The following MAU2 variants were observed in gnomAD, a reference collection of about 807,000 sequenced individuals.
MAU2 encodes the protein MAU2 chromatid cohesion factor homolog.
Under a neutral mutation model 89.1 loss-of-function variants are expected in MAU2, and 9 were observed. The ratio of observed to expected loss-of-function variants is 0.10; its 90% confidence interval spans 0.06 to 0.18. The LOEUF (loss-of-function observed/expected upper bound fraction) is 0.18, where lower values mean the gene tolerates loss of function less well. Among genes scored for constraint, MAU2 ranks in the 10% least tolerant of loss-of-function variants. The pLI is 1.00. For missense variants in MAU2, 425 were observed against 803.5 expected (o/e 0.53, Z 5.69); for synonymous variants, 357 against 343.4 (o/e 1.04, Z -0.44).
chr19:19,335,414 T>C (rs2061588291), intron 1 of MAU2, among the ~76,000 whole-genome samples: 1 of 152,212 alleles, frequency 6.6e-6, no homozygotes, highest in Non-Finnish European at 1.5e-5. Context: ...GCTCTGTTCC[T>C]TTCTGAAGCA....
intron 1 of MAU2, among the ~76,000 whole-genome samples, chr19:19,335,391 A>G (rs536519392): frequency 4.0e-4 from 61 of 152,240 alleles, no homozygotes; most frequent in South Asian, 1.9e-3. Context: ...TGCTGTGGCC[A>G]GGTCACCTCT....
intron 1 of MAU2, among the ~76,000 whole-genome samples, chr19:19,329,626 A>C (rs1284378079): frequency 6.6e-6 from 1 of 152,116 alleles, no homozygotes; most frequent in East Asian, 1.9e-4. Context: ...GGAAGCTGCT[A>C]AATGCTGTGC....
chr19:19,332,651 G>A (rs2061565216), intron 1 of MAU2, among the ~76,000 whole-genome samples: 1 of 152,026 alleles, frequency 6.6e-6, no homozygotes, highest in Admixed American at 6.6e-5. Context: ...TTACTTCCCA[G>A]CTCACCAGTG....
chr19:19,321,080 T>C lies in MAU2; in HGVS notation c.221T>C (p.Val74Ala). 1.2e-6 allele frequency: 2 copies of C among 1,611,536 alleles called. No individual in the cohort carries two copies. Among genetic ancestry groups the C allele is most frequent in the Non-Finnish European group, 1.7e-6 (2 of 1,179,150 alleles). Residue 74 changes from valine (V) to alanine (A), a missense_variant, in exon 1 of 19, where the codon GTT (valine) becomes GCT (alanine). Physicochemically the swap from Val to Ala is moderately conservative, Grantham distance 64. Coordinates refer to ENST00000262815, the MANE Select transcript of MAU2 (RefSeq NM_015329.4). ...CGTACACACCTGCAGCTGGGCTCCG[T>C]TCTCTATCACCACACCAAGAACAGC... ...EARTHLQLGS[V>A]LYHHTKNSEQ...
chr19:19,338,102 C>T (rs1432007648), intron 4 of MAU2, among the ~76,000 whole-genome samples: 1 of 152,222 alleles, frequency 6.6e-6, no homozygotes, highest in Non-Finnish European at 1.5e-5. Flanking sequence ...TTGGGAGTTC[C>T]TCCAGCTGAG....
chr19:19,329,020 G>C, intron 1 of MAU2: 2 of 456,024 alleles, frequency 4.4e-6, no homozygotes, highest in Non-Finnish European at 8.8e-6. Flanking sequence ...GCTCCAGACT[G>C]TGCTGGTCAG....
chr19:19,325,119 A>G (rs2061494011), intron 1 of MAU2, among the ~76,000 whole-genome samples: 1 of 151,972 alleles, frequency 6.6e-6, no homozygotes, highest in Admixed American at 6.6e-5. Context: ...AGTTTGTGAC[A>G]TTTCTCCTTG....
intron 1 of MAU2, chr19:19,329,080 C>G (rs2061534014): frequency 4.4e-6 from 2 of 456,044 alleles, no homozygotes; most frequent in South Asian, 1.5e-5. Context: ...GGTTCACTTT[C>G]TCAGCAAGTG....
chr19:19,354,282 C>T (rs769009550), intron 16 of MAU2, 73 bp from the exon 17 acceptor site: 18 of 1,194,788 alleles, frequency 1.5e-5, no homozygotes, highest in Non-Finnish European at 2.2e-5. Context: ...AGATTATCCC[C>T]ACCCCAACCT....
chr19:19,347,063 GTTCTCT>G (rs1354258148), intron 12 of MAU2: 4 of 539,072 alleles, frequency 7.4e-6, no homozygotes, highest in Non-Finnish European at 1.3e-5. Flanking sequence ...CCTCTTCTGT[GTTCTCT>G]AACTGCCCCG....
At chr19:19,334,638 C>T (rs2061581951) in intron 1 of MAU2, 1 of 977,158 alleles carries the variant, frequency 1.0e-6, no homozygotes, top group Admixed American at 6.1e-5. Context: ...GAGTCAGCTT[C>T]CAGGGGTGAC....
intron 1 of MAU2, among the ~76,000 whole-genome samples, chr19:19,334,002 G>C (rs1314276457): frequency 6.6e-6 from 1 of 152,198 alleles, no homozygotes; most frequent in Non-Finnish European, 1.5e-5. Context: ...CGGCTCCTCT[G>C]TCACAGTCCC....
chr19:19,328,925 C>G, intron 1 of MAU2: 3 of 394,480 alleles, frequency 7.6e-6, no homozygotes, highest in South Asian at 5.4e-5. Context: ...CTTGCTTTCT[C>G]TGTGTCAATG....
rs112339179 is a variant in MAU2 at position 19,332,371 on chromosome 19, G to A, written c.277-3347G>A. On this transcript the variant is annotated intron_variant, in intron 1 of 18. Transcript: ENST00000262815. The stretch of plus-strand genomic sequence containing the variant: ...TTTTTAGAGCGAGAGACAGGGTCTC[G>A]CTGTGTTGCCCAGGCCGGTCACAAA... Among the ~76,000 whole-genome samples the A allele has an allele frequency of 5.8e-3, 804 of 138,744 alleles. 4 individuals are homozygous for A. Among genetic ancestry groups the A allele is most frequent in the South Asian group, 0.031 (140 of 4,454 alleles). 91.0% of individuals were successfully genotyped at this position (138,744 alleles called of 152,430 possible).
At chr19:19,327,758 C>A (rs1861489237) in intron 1 of MAU2, among the ~76,000 whole-genome samples, 1 of 152,042 alleles carries the variant, frequency 6.6e-6, no homozygotes, top group African/African-American at 2.4e-5. Context: ...CACCTGCCGG[C>A]CGCCTTGTTC....
intron 16 of MAU2, among the ~76,000 whole-genome samples, chr19:19,350,907 A>G (rs2061738806): frequency 6.6e-6 from 1 of 152,060 alleles, no homozygotes; most frequent in Admixed American, 6.6e-5. Flanking sequence ...CTCAAAAAAA[A>G]AAAAAAAGAT....
intron 7 of MAU2, among the ~76,000 whole-genome samples, chr19:19,341,968 G>A (rs2061652055): frequency 6.6e-6 from 1 of 152,156 alleles, no homozygotes; most frequent in African/African-American, 2.4e-5. Context: ...TGGGCCACAG[G>A]CGAGTCTCCA....
intron 6 of MAU2, 43 bp from the exon 7 acceptor site, chr19:19,341,209 C>T: frequency 6.3e-7 from 1 of 1,580,368 alleles, no homozygotes; most frequent in Non-Finnish European, 8.6e-7. Flanking sequence ...TGGGAGGGCC[C>T]CTGCAAGCCC....
At chr19:19,323,071 A>G (rs1031688914) in intron 1 of MAU2, among the ~76,000 whole-genome samples, 2 of 151,142 alleles carry the variant, frequency 1.3e-5, no homozygotes, top group Non-Finnish European at 2.9e-5. Flanking sequence ...TTGTATTTTT[A>G]GTAGAGACGG....
Sources: gnomAD v4.1 joint callset for allele counts (sites outside exome capture counted in the v4.1 genomes callset) on GRCh38, gnomAD v4.1.1 for gene constraint, MANE v1.5 for transcripts, NCBI Gene and HGNC (gene_info 2026-07-23, HGNC 2026-07-21) for gene names.